The following FAN1 variants were observed in gnomAD, a reference collection of about 807,000 sequenced individuals.
FAN1 encodes fanconi-associated nuclease 1.
FAN1 carries 91 observed loss-of-function variants against 104.9 expected under a neutral mutation model. The observed-to-expected ratio is 0.87, with a 90% CI of 0.73 to 1.03. The LOEUF (loss-of-function observed/expected upper bound fraction) is 1.03. Ranked by LOEUF, FAN1 falls within the 50% of genes least tolerant of loss-of-function variation. The pLI is 0.00. For missense variants in FAN1, 1,263 were observed against 1,239.9 expected (o/e 1.02, Z -0.28); for synonymous variants, 478 against 457.6 (o/e 1.04, Z -0.57).
At chr15:30,915,506 T>C (rs1165038454) in intron 5 of FAN1, among the ~76,000 whole-genome samples, 1 of 152,186 alleles carries the variant, frequency 6.6e-6, no homozygotes, top group Non-Finnish European at 1.5e-5. Context: ...TGGCAACACA[T>C]GCCTATATTT....
At chr15:30,938,659 C>CT (rs2062937208) in intron 14 of FAN1, among the ~76,000 whole-genome samples, 1 of 152,110 alleles carries the variant, frequency 6.6e-6, no homozygotes, top group Admixed American at 6.5e-5. Flanking sequence ...CAGTCTGTCT[C>CT]TTGACTTCTT....
intron 2 of FAN1, among the ~76,000 whole-genome samples, chr15:30,907,261 T>C (rs1201967143): frequency 6.6e-6 from 1 of 151,994 alleles, no homozygotes; most frequent in Non-Finnish European, 1.5e-5. Flanking sequence ...CTCAGGCCTG[T>C]AATCCCAGCA....
intron 2 of FAN1, 149 bp from the exon 3 acceptor site, chr15:30,907,969 T>A (rs960081121): frequency 7.6e-6 from 4 of 525,304 alleles, no homozygotes; most frequent in Non-Finnish European, 1.2e-5. Flanking sequence ...ACCAAATTTT[T>A]AAATGTACTT....
intron 11 of FAN1, 99 bp from the exon 12 acceptor site, chr15:30,929,104 G>A (rs1037818412): frequency 3.7e-5 from 35 of 957,644 alleles, no homozygotes; most frequent in East Asian, 2.0e-4. Context: ...AGAATGTATC[G>A]GTTGGCCGGT....
intron 3 of FAN1, 133 bp from the exon 4 acceptor site, chr15:30,910,481 C>T: frequency 3.6e-6 from 2 of 553,568 alleles, no homozygotes; most frequent in Non-Finnish European, 6.3e-6. Flanking sequence ...TTAATAATTC[C>T]ACATTTAATG....
rs751721522 is a variant in FAN1 at position 30,905,094 on chromosome 15, A to T, written c.431A>T (p.Asn144Ile). Residue 144 changes from asparagine to isoleucine, a missense_variant, in exon 2 of 15, where the codon AAT becomes ATT. Around this residue, in one of 2 missense-constraint regions of FAN1, gnomAD observed 682 missense variants for 571.1 expected, o/e 1.19. Transcript: ENST00000362065. Reference sequence around the variant, plus strand: ...TGCAAAAATCAAGATGAGCTGAGAAATCGTAGTGTGAAAGTCATTTGTTTG... The same window carrying T: ...TGCAAAAATCAAGATGAGCTGAGAATTCGTAGTGTGAAAGTCATTTGTTTG... ...VVCKNQDELR[N>I]RSVKVICLGS... 4 of 1,614,100 alleles carry T rather than the reference A, an allele frequency of 2.5e-6. No homozygotes were observed. The highest frequency in any genetic ancestry group is 3.4e-6 in the Non-Finnish European group (4 of 1,179,998).
In FAN1 at chr15:30,942,134, A is replaced by G. The variant is rs1368996330; in HGVS notation, c.*572A>G. 6.6e-7 allele frequency: 1 copy of G among 1,517,074 alleles called. No homozygotes were observed. The highest frequency in any genetic ancestry group is 1.4e-5 in the African/African-American group (1 of 72,018). 94.0% of individuals were successfully genotyped at this position (1,517,074 alleles called of 1,614,324 possible). ...CCTTTTTAGAAAGATTGAAGGATGCAATGGCAAATATAAACTCAATACTAT... is the reference window on the plus strand; with the variant it reads ...CCTTTTTAGAAAGATTGAAGGATGCGATGGCAAATATAAACTCAATACTAT... On this transcript the variant is annotated 3_prime_UTR_variant, in exon 15 of 15. Transcript: ENST00000362065.
chr15:30,909,455 C>CTT (rs1381670189), intron 3 of FAN1, among the ~76,000 whole-genome samples: 3 of 152,244 alleles, frequency 2.0e-5, no homozygotes, highest in Admixed American at 1.3e-4. Context: ...CACCTGGGAA[C>CTT]TTGATACTCA....
chr15:30,940,840 T>C lies in FAN1; in HGVS notation c.*4-726T>C, dbSNP rs551691871. The C allele has an allele frequency of 1.6e-5, 16 of 989,314 alleles. No homozygotes were observed. The East Asian group carries it at 1.0e-3, about 63-fold the overall frequency. 61.3% of individuals were successfully genotyped at this position (989,314 alleles called of 1,614,324 possible). A position where few individuals can be genotyped will look rare whatever the true frequency, so the allele number is the denominator to read the frequency against. ...TCAAAGGCACTTCTAAGTTTAATTA[T>C]CTGCAGCAAATGCTTTAAAATTAAC... On this transcript the variant is annotated intron_variant, in intron 14 of 14. Transcript: ENST00000362065.
chr15:30,928,221 A>AG, intron 10 of FAN1: 1 of 1,048,564 alleles, frequency 9.5e-7, no homozygotes. Flanking sequence ...TGGGAACCTG[A>AG]GGAGGGTATC....
chr15:30,908,319 G>A (rs2062027673), intron 3 of FAN1, 61 bp downstream of exon 3: 1 of 1,427,738 alleles, frequency 7.0e-7, no homozygotes, highest in African/African-American at 1.4e-5. Flanking sequence ...AGCTTCTGCA[G>A]AATGATGGCA....
At chr15:30,939,537 A>AAAAGT in intron 14 of FAN1, 1 of 975,652 alleles carries the variant, frequency 1.0e-6, no homozygotes, top group Non-Finnish European at 1.2e-6. Flanking sequence ...CAGCAAAAAT[A>AAAAGT]AAAGTATTTT....
At chr15:30,915,368 C>T (rs1420114891) in intron 5 of FAN1, among the ~76,000 whole-genome samples, 1 of 152,114 alleles carries the variant, frequency 6.6e-6, no homozygotes, top group East Asian at 1.9e-4. Context: ...GGAATAAGTT[C>T]TGTTGTTCTG....
chr15:30,911,537 C>T, intron 4 of FAN1: 5 of 979,966 alleles, frequency 5.1e-6, no homozygotes, highest in Non-Finnish European at 6.1e-6. Flanking sequence ...TGTAATAAGG[C>T]AGACATTAAG....
chr15:30,909,443 G>A (rs1054434012), intron 3 of FAN1, among the ~76,000 whole-genome samples: 6 of 152,194 alleles, frequency 3.9e-5, no homozygotes, highest in Non-Finnish European at 8.8e-5. Context: ...TGCCAGCAGG[G>A]TCACCTGGGA....
At chr15:30,937,643 G>A (rs1209498572) in intron 14 of FAN1, among the ~76,000 whole-genome samples, 2 of 151,264 alleles carry the variant, frequency 1.3e-5, no homozygotes, top group East Asian at 4.0e-4. Flanking sequence ...GTAGAGACGG[G>A]GTTTCACCAT....
chr15:30,928,660 C>G lies in FAN1; in HGVS notation c.2592+4C>G, dbSNP rs763322755. On this transcript the variant is annotated splice_donor_region_variant and intron_variant, in intron 11 of 14. Coordinates refer to ENST00000362065, the MANE Select transcript of FAN1 (RefSeq NM_014967.5). Reference sequence around the variant, plus strand: ...TGTCTTCAGAAACGCCTGTCAGGTACTCCAGTGCCCCTGCCCCACGAGTAG... The same window carrying G: ...TGTCTTCAGAAACGCCTGTCAGGTAGTCCAGTGCCCCTGCCCCACGAGTAG... 1.9e-6 allele frequency: 3 copies of G among 1,613,942 alleles called. No homozygotes were observed. Among genetic ancestry groups the G allele is most frequent in the South Asian group, 2.2e-5 (2 of 91,060 alleles).
At chr15:30,941,263 C>T (rs2063040278) in intron 14 of FAN1, 4 of 1,471,948 alleles carry the variant, frequency 2.7e-6, no homozygotes, top group Middle Eastern at 1.8e-4. Flanking sequence ...CCTGTAATGA[C>T]AGAAAGAGGA....
rs184005581 is a variant in FAN1, at chr15:30,922,902, G to T, written c.2172+548G>T. ...TGCTCCCTGTGGTGGCGATCTAGGG[G>T]CACTTGGAAGCACAGGGATTCTGTG... On this transcript the variant is annotated intron_variant, in intron 8 of 14. Coordinates refer to ENST00000362065, the MANE Select transcript of FAN1 (RefSeq NM_014967.5). Among the ~76,000 whole-genome samples the T allele has an allele frequency of 8.6e-4, 131 of 152,366 alleles. 1 individual carries two copies. Among genetic ancestry groups the T allele is most frequent in the Middle Eastern group, 3.4e-3 (1 of 294 alleles).
Sources: gnomAD v4.1 joint callset for allele counts (sites outside exome capture counted in the v4.1 genomes callset) on GRCh38, gnomAD v4.1.1 for gene constraint, gnomAD v4.1.1 regional missense constraint, MANE v1.5 for transcripts, NCBI Gene and HGNC (gene_info 2026-07-23, HGNC 2026-07-21) for gene names.